The following TIMM23 variants were observed in gnomAD, a reference collection of about 807,000 sequenced individuals.
The protein encoded by TIMM23 is mitochondrial import inner membrane translocase subunit Tim23.
In TIMM23, 19 loss-of-function variants were observed where a neutral mutation model predicts 30.7. The ratio of observed to expected loss-of-function variants is 0.62; its 90% CI spans 0.43 to 0.91. The LOEUF (loss-of-function observed/expected upper bound fraction) is 0.91, where lower values mean the gene tolerates loss of function less well. Among genes scored for constraint, TIMM23 ranks in the 40% least tolerant of loss-of-function variants. The pLI, the probability that TIMM23 is intolerant of heterozygous loss-of-function variation, is 0.00. For missense variants in TIMM23, 202 were observed against 269.2 expected (o/e 0.75, Z 1.75); for synonymous variants, 78 against 98.5 (o/e 0.79, Z 1.23).
intron 1 of TIMM23, among the ~76,000 whole-genome samples, chr10:45,974,436 C>A (rs1837604496): frequency 2.6e-5 from 4 of 152,098 alleles, no homozygotes; most frequent in Non-Finnish European, 4.4e-5. Context: ...GTGCAAATGT[C>A]CTGAAACAAA....
intron 2 of TIMM23, among the ~76,000 whole-genome samples, chr10:45,976,603 C>A (rs1389315202): frequency 1.3e-5 from 2 of 152,122 alleles, no homozygotes; most frequent in Non-Finnish European, 2.9e-5. Flanking sequence ...AGAGTAAGAC[C>A]CTATCTCTAA....
rs77103714 is a variant in TIMM23 at position 45,975,091 on chromosome 10, T to C, written c.107-363T>C. Reference sequence around the variant, plus strand: ...TTCCCATGGAATTGATTAGTCTTTTTTCAGTCTTATTTTGTAATTTACATA... The same window carrying C: ...TTCCCATGGAATTGATTAGTCTTTTCTCAGTCTTATTTTGTAATTTACATA... On this transcript the variant is annotated intron_variant, in intron 1 of 6. Coordinates refer to ENST00000580018, the MANE Select transcript of TIMM23 (RefSeq NM_006327.4). Among the ~76,000 whole-genome samples the C allele has an allele frequency of 4.7e-3, 722 of 152,372 alleles. 5 individuals are homozygous for C. Among genetic ancestry groups the C allele is most frequent in the East Asian group, 0.019 (98 of 5,192 alleles).
chr10:45,996,479 T>G (rs1838336804), intron 6 of TIMM23, among the ~76,000 whole-genome samples: 1 of 150,668 alleles, frequency 6.6e-6, no homozygotes, highest in Admixed American at 6.6e-5. Flanking sequence ...GATTATCAAT[T>G]TACAGGATTG....
In TIMM23 at chr10:45,985,257, G is replaced by A. The variant is rs1837960332; in HGVS notation, c.345-126G>A. ...TTATTGAAATCGGAGATATTAAGAT[G>A]TATTTTAGAATTTAAAAAACTTTGC... is the stretch of plus-strand genomic sequence containing the variant. On this transcript the variant is annotated intron_variant, in intron 4 of 6. Transcript: ENST00000580018. The A allele has an allele frequency of 3.4e-5, 26 of 771,470 alleles. No individual in the cohort carries two copies. In the South Asian group the frequency reaches 4.1e-4, roughly 12 times the overall value. 47.8% of individuals were successfully genotyped at this position (771,470 alleles called of 1,614,324 possible). A position where few individuals can be genotyped will look rare whatever the true frequency, so the allele number is the denominator to read the frequency against.
chr10:45,997,427 A>G (rs1361995565), intron 6 of TIMM23, among the ~76,000 whole-genome samples: 1 of 152,166 alleles, frequency 6.6e-6, no homozygotes, highest in Non-Finnish European at 1.5e-5. Context: ...ACAGAAAAAA[A>G]GTAGAATGGA....
chr10:46,003,107 C>T, intron 6 of TIMM23, 96 bp from the exon 7 acceptor site: 3 of 999,032 alleles, frequency 3.0e-6, no homozygotes, highest in South Asian at 1.5e-5. Flanking sequence ...GCCACCGTGC[C>T]CAGCCCATTT....
intron 2 of TIMM23, among the ~76,000 whole-genome samples, chr10:45,976,610 C>CTAAA: frequency 6.6e-6 from 1 of 152,148 alleles, no homozygotes; most frequent in East Asian, 1.9e-4. Context: ...GACCCTATCT[C>CTAAA]TAAATAAATA....
At chr10:45,994,657 G>A (rs1838274633) in intron 6 of TIMM23, among the ~76,000 whole-genome samples, 1 of 135,602 alleles carries the variant, frequency 7.4e-6, no homozygotes, top group Non-Finnish European at 1.6e-5. Context: ...GCCCAGGCTA[G>A]TCTCAAACTC....
At chr10:45,990,113 T>C (rs1838111579) in intron 6 of TIMM23, among the ~76,000 whole-genome samples, 3 of 148,794 alleles carry the variant, frequency 2.0e-5, no homozygotes, top group African/African-American at 7.3e-5. Flanking sequence ...AAGGCAACTT[T>C]TAATTTTTTT....
chr10:45,972,826 C>G, intron 1 of TIMM23, 96 bp downstream of exon 1: 1 of 1,542,628 alleles, frequency 6.5e-7, no homozygotes, highest in Non-Finnish European at 8.8e-7. Context: ...TTTTTTTTTC[C>G]TTGCTGGCAT....
intron 6 of TIMM23, chr10:45,998,377 G>C (rs1838411963): frequency 1.0e-6 from 1 of 985,176 alleles, no homozygotes; most frequent in African/African-American, 1.7e-5. Flanking sequence ...ACTACATAAG[G>C]ATCCCAAAAT....
chr10:45,989,080 C>G (rs2132265809), intron 6 of TIMM23, among the ~76,000 whole-genome samples: 1 of 152,170 alleles, frequency 6.6e-6, no homozygotes. Context: ...ATTATATAAC[C>G]AATCTCTGGA....
At chr10:45,991,796 A>C (rs1388941052) in intron 6 of TIMM23, among the ~76,000 whole-genome samples, 1 of 151,934 alleles carries the variant, frequency 6.6e-6, no homozygotes, top group Non-Finnish European at 1.5e-5. Context: ...TGATTGGATT[A>C]CTAGAAGACT....
At chr10:46,000,296 A>G (rs1554917461) in intron 6 of TIMM23, among the ~76,000 whole-genome samples, 1 of 152,264 alleles carries the variant, frequency 6.6e-6, no homozygotes, top group East Asian at 1.9e-4. Context: ...ATAAGAAATT[A>G]TAAAAGTATT....
rs782268679 is a variant in TIMM23 at position 45,972,742 on chromosome 10, G to A, written c.106+12G>A. The A allele has an allele frequency of 1.2e-6, 2 of 1,613,500 alleles. No individual in the cohort carries two copies. Among genetic ancestry groups the A allele is most frequent in the Admixed American group, 1.7e-5 (1 of 59,974 alleles). On this transcript the variant is annotated intron_variant, in intron 1 of 6. Transcript: ENST00000580018. The stretch of plus-strand genomic sequence containing the variant: ...GGCTGGCGTCCCGCGTAAGTATGGG[G>A]CCTAGCTTGCGATTATTTCTGACTG...
intron 2 of TIMM23, among the ~76,000 whole-genome samples, chr10:45,978,908 G>T (rs1837756367): frequency 6.6e-6 from 1 of 152,018 alleles, no homozygotes; most frequent in Non-Finnish European, 1.5e-5. Flanking sequence ...ACTGATGAAT[G>T]GATAAAAAAG....
chr10:45,976,342 GATTCACACCTGTA>G (rs1394130804), intron 2 of TIMM23, among the ~76,000 whole-genome samples: 1 of 148,956 alleles, frequency 6.7e-6, no homozygotes, highest in Non-Finnish European at 1.5e-5. Flanking sequence ...TGGGCGCAGT[GATTCACACCTGTA>G]ATCCCAGCAC....
intron 2 of TIMM23, among the ~76,000 whole-genome samples, chr10:45,977,600 A>T (rs1392778150): frequency 1.3e-5 from 2 of 152,392 alleles, no homozygotes; most frequent in Non-Finnish European, 2.9e-5. Flanking sequence ...TCTTAGAAGA[A>T]ATCATGGGCA....
chr10:45,998,533 A>G, intron 6 of TIMM23: 1 of 321,262 alleles, frequency 3.1e-6, no homozygotes, highest in Non-Finnish European at 4.5e-6. Flanking sequence ...TGAGTAAAGA[A>G]ACCCTAGAGA....
Sources: gnomAD v4.1 joint callset for allele counts (sites outside exome capture counted in the v4.1 genomes callset) on GRCh38, gnomAD v4.1.1 for gene constraint, MANE v1.5 for transcripts, NCBI Gene and HGNC (gene_info 2026-07-23, HGNC 2026-07-21) for gene names.